GPR107: variants seen among roughly 807,000 people sequenced by gnomAD.
GPR107 encodes the protein protein GPR107.
A neutral mutation model predicts 75.5 loss-of-function variants in GPR107; 31 were observed. The observed-to-expected ratio is 0.41, with a 90% CI of 0.31 to 0.55. GPR107 has a LOEUF of 0.55. Among genes scored for constraint, GPR107 ranks in the 20% least tolerant of loss-of-function variants. The pLI, the probability that GPR107 is intolerant of heterozygous loss-of-function variation, is 0.26. For synonymous variants in GPR107, 267 were observed against 251.3 expected, an observed-to-expected ratio of 1.06 and a Z score of -0.59; for missense variants, 572 against 665.7, an observed-to-expected ratio of 0.86 and a Z score of 1.55.
chr9:130,104,702 G>C (rs1055675097), intron 13 of GPR107, 152 bp downstream of exon 13: 7 of 648,736 alleles, frequency 1.1e-5, no homozygotes, highest in African/African-American at 9.1e-5. Context: ...TCAGCCTCCA[G>C]GGGCAGAACC....
At chr9:130,064,885 G>C (rs1047340016) in intron 1 of GPR107, among the ~76,000 whole-genome samples, 2 of 152,058 alleles carry the variant, frequency 1.3e-5, no homozygotes, top group Admixed American at 1.3e-4. Context: ...ATCACCAGGA[G>C]CTTGAAAGAG....
chr9:130,058,323 C>A (rs901978451), intron 1 of GPR107, among the ~76,000 whole-genome samples: 1 of 152,090 alleles, frequency 6.6e-6, no homozygotes, highest in African/African-American at 2.4e-5. Flanking sequence ...TTTCTGTCAC[C>A]CCATAAGATC....
intron 14 of GPR107, 87 bp from the exon 15 acceptor site, chr9:130,124,828 C>G (rs780862816): frequency 1.3e-6 from 1 of 773,296 alleles, no homozygotes; most frequent in Non-Finnish European, 2.2e-6. Context: ...TAGAGGTGGC[C>G]TCTTGACTGA....
At chr9:130,111,840 T>C (rs1831309927) in intron 14 of GPR107, among the ~76,000 whole-genome samples, 1 of 152,152 alleles carries the variant, frequency 6.6e-6, no homozygotes, top group Admixed American at 6.6e-5. Context: ...CTGCCCACTG[T>C]CCTTTAGCCG....
chr9:130,105,401 G>T (rs1479468096), intron 13 of GPR107, among the ~76,000 whole-genome samples: 1 of 151,916 alleles, frequency 6.6e-6, no homozygotes, highest in Admixed American at 6.6e-5. Context: ...TTACAGGTGC[G>T]TGTCACCATG....
chr9:130,089,881 T>A (rs995229492), intron 7 of GPR107, among the ~76,000 whole-genome samples: 5 of 152,196 alleles, frequency 3.3e-5, no homozygotes, highest in Non-Finnish European at 7.3e-5. Flanking sequence ...CCCGTTTTTT[T>A]AAATTGTGAG....
intron 9 of GPR107, among the ~76,000 whole-genome samples, chr9:130,097,455 A>G (rs1830902908): frequency 1.3e-5 from 2 of 151,764 alleles, no homozygotes; most frequent in African/African-American, 2.4e-5. Flanking sequence ...GCGCCCAGCC[A>G]TCAGTTAATT....
chr9:130,131,471 C>A (rs1250962354), intron 17 of GPR107, among the ~76,000 whole-genome samples: 1 of 152,110 alleles, frequency 6.6e-6, no homozygotes, highest in Non-Finnish European at 1.5e-5. Flanking sequence ...CTGCCTGTGA[C>A]AACCTCCTGC....
intron 14 of GPR107, among the ~76,000 whole-genome samples, chr9:130,122,496 C>A (rs1366396499): frequency 6.6e-6 from 1 of 152,198 alleles, no homozygotes; most frequent in Non-Finnish European, 1.5e-5. Context: ...ATGTCTTGTC[C>A]TCTGTGAAGG....
At chr9:130,054,158 C>A in intron 1 of GPR107, 85 bp downstream of exon 1, 1 of 1,256,740 alleles carries the variant, frequency 8.0e-7, no homozygotes, top group Admixed American at 2.7e-5. Context: ...TTGGGGACCT[C>A]TGAGCCACTG....
chr9:130,102,499 G>A (rs1431262027), intron 12 of GPR107, among the ~76,000 whole-genome samples: 6 of 152,210 alleles, frequency 3.9e-5, no homozygotes, highest in South Asian at 2.1e-4. Context: ...GTCAGTCTGA[G>A]AAGATAAGGA....
intron 1 of GPR107, among the ~76,000 whole-genome samples, chr9:130,069,483 G>T (rs942103747): frequency 6.6e-6 from 1 of 152,140 alleles, no homozygotes; most frequent in Non-Finnish European, 1.5e-5. Flanking sequence ...TTATCCTCAT[G>T]CTGCTTTGTC....
At chr9:130,094,651 TTTTTA>T (rs889539391) in intron 9 of GPR107, among the ~76,000 whole-genome samples, 3 of 152,060 alleles carry the variant, frequency 2.0e-5, no homozygotes, top group South Asian at 2.1e-4. Flanking sequence ...TGGGTGGGTT[TTTTTA>T]TTTTGTTTTG....
chr9:130,092,486 C>T, intron 9 of GPR107, 105 bp downstream of exon 9: 1 of 914,430 alleles, frequency 1.1e-6, no homozygotes, highest in Non-Finnish European at 1.8e-6. Context: ...CAGTGTTGTT[C>T]CTTTCAAAGG....
In GPR107 at chr9:130,090,894, A is replaced by G. The variant is rs761635147; in HGVS notation, c.640A>G (p.Thr214Ala). ...VSFQFFFNIS[T>A]DDQEGLYSLY... ...CTTTCAGTTTTTCTTTAACATCAGCACTGATGACCAAGAAGGCCTTTACAG... is the reference window on the plus strand; with the variant it reads ...CTTTCAGTTTTTCTTTAACATCAGCGCTGATGACCAAGAAGGCCTTTACAG... Residue 214 changes from threonine to alanine, a missense_variant, in exon 8 of 18, where the codon ACT becomes GCT. Physicochemically the swap from Thr to Ala is moderately conservative, Grantham distance 58. Coordinates refer to ENST00000347136, the MANE Select transcript of GPR107 (RefSeq NM_020960.5). 1.8e-5 allele frequency: 25 copies of G among 1,417,406 alleles called. No individual in the cohort carries two copies. Among genetic ancestry groups the G allele is most frequent in the Non-Finnish European group, 2.2e-5 (22 of 1,002,192 alleles). The allele number at this position is 1,417,406 out of a possible 1,614,324, so 87.8% of individuals were successfully genotyped here.
At chr9:130,084,995 C>T (rs1830582462) in intron 6 of GPR107, among the ~76,000 whole-genome samples, 1 of 152,100 alleles carries the variant, frequency 6.6e-6, no homozygotes, top group Admixed American at 6.6e-5. Context: ...AAATGCTGAG[C>T]ACTGGCTCGT....
chr9:130,106,109 C>A (rs1428978948), intron 13 of GPR107, among the ~76,000 whole-genome samples: 1 of 152,190 alleles, frequency 6.6e-6, no homozygotes, highest in Non-Finnish European at 1.5e-5. Flanking sequence ...CCTACTTTTA[C>A]ACATGCCACT....
intron 1 of GPR107, among the ~76,000 whole-genome samples, chr9:130,071,874 G>A (rs1589488112): frequency 1.3e-5 from 2 of 151,896 alleles, no homozygotes; most frequent in South Asian, 2.1e-4. Context: ...TAGTAGAGAC[G>A]GGGTTTCACC....
Position 130,117,970 on chromosome 9 carries a change from G to C in GPR107, c.1307-6945G>C, listed in dbSNP as rs534407810. ...ATGATTGCATCGTCCTGAACTAATC[G>C]TCCTGACCTGTGTCGTCCTAAAGTC... On this transcript the variant is annotated intron_variant, in intron 14 of 17. Transcript: ENST00000347136. 4.8e-4 allele frequency among the ~76,000 whole-genome samples: 73 copies of C among 152,276 alleles called. 1 individual carries two copies. Among genetic ancestry groups the C allele is most frequent in the African/African-American group, 1.7e-3 (70 of 41,556 alleles).
Sources: gnomAD v4.1 joint callset for allele counts (sites outside exome capture counted in the v4.1 genomes callset) on GRCh38, gnomAD v4.1.1 for gene constraint, MANE v1.5 for transcripts, NCBI Gene and HGNC (gene_info 2026-07-23, HGNC 2026-07-21) for gene names.